Variants in MEMO1 observed in about 807,000 individuals in gnomAD.
MEMO1 encodes the protein mediator of cell motility 1, also known as protein MEMO1.
In MEMO1, 6 loss-of-function variants were observed where a neutral mutation model predicts 45.2. That is an observed-to-expected ratio of 0.13 (90% confidence interval 0.07 to 0.26). MEMO1 has a LOEUF of 0.26. Ranked by LOEUF, MEMO1 falls within the 10% of genes least tolerant of loss-of-function variation. MEMO1 has a pLI of 1.00. For synonymous variants in MEMO1, 78 were observed against 124.3 expected (o/e 0.63, Z 2.48); for missense variants, 184 against 370.5 (o/e 0.50, Z 4.13).
At chr2:31,965,017 G>A (rs1044670365) in intron 2 of MEMO1, among the ~76,000 whole-genome samples, 10 of 151,866 alleles carry the variant, frequency 6.6e-5, no homozygotes, top group South Asian at 2.1e-4. Flanking sequence ...AATTTGAGAC[G>A]AGTCTGGCCA....
chr2:31,877,366 T>C (rs1415648576), intron 8 of MEMO1, among the ~76,000 whole-genome samples: 2 of 152,198 alleles, frequency 1.3e-5, no homozygotes, highest in Admixed American at 1.3e-4. Context: ...CACAATAATT[T>C]GAAGATGCTA....
chr2:31,998,727 G>A lies in MEMO1; in HGVS notation c.61+11460C>T, dbSNP rs186028297. 6.0e-3 allele frequency among the ~76,000 whole-genome samples: 917 copies of A among 151,836 alleles called. 11 individuals carry two copies. Among genetic ancestry groups the A allele is most frequent in the Non-Finnish European group, 0.011 (733 of 67,962 alleles). On this transcript the variant is annotated intron_variant, in intron 2 of 9. Transcript: ENST00000404530. ...AGACAGGAGAATCACTTGAACCCAG[G>A]AGGCGGACATTGCAGTGAGTAGAGA... is the stretch of plus-strand genomic sequence containing the variant.
At chr2:31,901,429 A>G (rs188278543) in intron 6 of MEMO1, among the ~76,000 whole-genome samples, 1 of 151,006 alleles carries the variant, frequency 6.6e-6, no homozygotes, top group Non-Finnish European at 1.5e-5. Context: ...ATGCGACAAC[A>G]GGGATGAATC....
chr2:31,900,377 G>T (rs955417727), intron 6 of MEMO1, among the ~76,000 whole-genome samples: 1 of 152,168 alleles, frequency 6.6e-6, no homozygotes, highest in Non-Finnish European at 1.5e-5. Context: ...CATGTCCTTT[G>T]CAGGGACATG....
At chr2:31,936,461 C>T (rs556613808) in intron 3 of MEMO1, among the ~76,000 whole-genome samples, 41 of 152,256 alleles carry the variant, frequency 2.7e-4, no homozygotes, top group African/African-American at 9.9e-4. Flanking sequence ...AGTGCTTTTG[C>T]TTCTCCCTTT....
chr2:32,008,259 C>T (rs192979549), intron 2 of MEMO1, among the ~76,000 whole-genome samples: 1 of 152,212 alleles, frequency 6.6e-6, no homozygotes, highest in East Asian at 1.9e-4. Flanking sequence ...CACTTGCCCA[C>T]ATTCCAATGC....
intron 6 of MEMO1, among the ~76,000 whole-genome samples, chr2:31,898,698 G>C (rs1189063127): frequency 6.6e-6 from 1 of 152,142 alleles, no homozygotes; most frequent in Non-Finnish European, 1.5e-5. Context: ...GTTGATTTGG[G>C]GTAGAGAGTT....
chr2:31,959,242 G>A (rs1388452703), intron 2 of MEMO1, among the ~76,000 whole-genome samples: 1 of 152,046 alleles, frequency 6.6e-6, no homozygotes, highest in Admixed American at 6.6e-5. Context: ...TAATTAAGGT[G>A]GTAAAGACAA....
chr2:31,881,712 C>T (rs1675407431), intron 8 of MEMO1, among the ~76,000 whole-genome samples: 1 of 151,890 alleles, frequency 6.6e-6, no homozygotes, highest in African/African-American at 2.4e-5. Flanking sequence ...CCATAAAGTT[C>T]AAGTCTTAAT....
At chr2:31,914,130 C>T (rs529128959) in intron 6 of MEMO1, among the ~76,000 whole-genome samples, 4 of 152,274 alleles carry the variant, frequency 2.6e-5, no homozygotes, top group South Asian at 2.1e-4. Flanking sequence ...ACCAGCACCA[C>T]GGCCCCAGAG....
At chr2:32,009,154 T>C (rs964157500) in intron 2 of MEMO1, among the ~76,000 whole-genome samples, 15 of 152,160 alleles carry the variant, frequency 9.9e-5, no homozygotes, top group African/African-American at 3.6e-4. Context: ...CACTTTCACA[T>C]AAAGAAGTCT....
intron 5 of MEMO1, among the ~76,000 whole-genome samples, chr2:31,918,425 C>T (rs1681784526): frequency 6.6e-6 from 1 of 152,244 alleles, no homozygotes; most frequent in Admixed American, 6.5e-5. Context: ...CTAGCAAGAA[C>T]ATAATTAGAA....
intron 2 of MEMO1, chr2:31,963,404 G>GA: frequency 1.0e-6 from 1 of 994,372 alleles, no homozygotes; most frequent in Non-Finnish European, 1.3e-6. Flanking sequence ...AAGAAGCAAG[G>GA]AAAGCTAAAA....
chr2:31,945,835 C>T (rs541669971), intron 2 of MEMO1, among the ~76,000 whole-genome samples: 19 of 152,244 alleles, frequency 1.2e-4, no homozygotes, highest in Admixed American at 9.1e-4. Flanking sequence ...CACAAGGTTG[C>T]TCCAATTACC....
chr2:31,916,137 C>T (rs1475680383), intron 6 of MEMO1, among the ~76,000 whole-genome samples: 1 of 152,132 alleles, frequency 6.6e-6, no homozygotes, highest in Non-Finnish European at 1.5e-5. Flanking sequence ...CCACAATATA[C>T]ATGTTTTACT....
intron 2 of MEMO1, among the ~76,000 whole-genome samples, chr2:31,969,595 GT>G (rs1558542076): frequency 2.0e-4 from 23 of 117,480 alleles, no homozygotes; most frequent in Non-Finnish European, 3.3e-4. Flanking sequence ...GGGTGTGTGT[GT>G]GTGTGTGTGT....
intron 6 of MEMO1, among the ~76,000 whole-genome samples, chr2:31,916,850 T>C (rs954491124): frequency 2.2e-4 from 33 of 152,210 alleles, no homozygotes; most frequent in African/African-American, 6.5e-4. Flanking sequence ...AATACAGAAT[T>C]AGAGTGGAAA....
intron 5 of MEMO1, among the ~76,000 whole-genome samples, chr2:31,919,056 A>T (rs1681888970): frequency 6.6e-6 from 1 of 151,962 alleles, no homozygotes; most frequent in South Asian, 2.1e-4. Flanking sequence ...CAAATTATGA[A>T]AACTTATGCC....
At chr2:31,999,569 T>C (rs139682128) in intron 2 of MEMO1, among the ~76,000 whole-genome samples, 1,561 of 152,222 alleles carry the variant, frequency 0.01, 25 homozygotes, top group South Asian at 0.048. Context: ...ACTCAGGAGA[T>C]TGAGGTGGCA....
Sources: gnomAD v4.1 joint callset for allele counts (sites outside exome capture counted in the v4.1 genomes callset) on GRCh38, gnomAD v4.1.1 for gene constraint, MANE v1.5 for transcripts, NCBI Gene and HGNC (gene_info 2026-07-23, HGNC 2026-07-21) for gene names.